BCAS3: variants seen among roughly 807,000 people sequenced by gnomAD.
BCAS3 encodes BCAS3 microtubule associated cell migration factor, also known as BCAS4/BCAS3 fusion.
In BCAS3, 53 loss-of-function variants were observed where a neutral mutation model predicts 116.1. The observed-to-expected ratio is 0.46, with a 90% CI of 0.37 to 0.57. The LOEUF is 0.57. Among genes scored for constraint, BCAS3 ranks in the 20% least tolerant of loss-of-function variants. BCAS3 has a pLI of 0.00. For synonymous variants in BCAS3, 391 were observed against 408.2 expected, an observed-to-expected ratio of 0.96 and a Z score of 0.51; for missense variants, 917 against 1,165.4, an observed-to-expected ratio of 0.79 and a Z score of 3.10.
chr17:60,693,001 G>A (rs571173501), intron 4 of BCAS3, among the ~76,000 whole-genome samples: 11 of 151,980 alleles, frequency 7.2e-5, no homozygotes, highest in Admixed American at 2.6e-4. Context: ...ATTTCCCAAG[G>A]AGAATCGCTT....
chr17:61,163,760 G>T (rs2078307827), intron 22 of BCAS3, among the ~76,000 whole-genome samples: 1 of 152,104 alleles, frequency 6.6e-6, no homozygotes, highest in Non-Finnish European at 1.5e-5. Context: ...GCCAAGGTGG[G>T]CAGATCACCT....
At chr17:60,752,858 A>G (rs2042613377) in intron 6 of BCAS3, among the ~76,000 whole-genome samples, 1 of 151,450 alleles carries the variant, frequency 6.6e-6, no homozygotes, top group Non-Finnish European at 1.5e-5. Flanking sequence ...GAAAGTGTTT[A>G]TTTTTAGAGA....
chr17:61,290,990 C>T (rs906175888), intron 22 of BCAS3, among the ~76,000 whole-genome samples: 6 of 152,088 alleles, frequency 3.9e-5, no homozygotes, highest in Non-Finnish European at 7.4e-5. Context: ...CCATGTTAGC[C>T]AGGATGATCT....
Position 61,380,502 on chromosome 17 carries a change from A to G in BCAS3, c.2594-11475A>G. The G allele has an allele frequency of 6.3e-7, 1 of 1,597,216 alleles. No homozygotes were observed. The highest frequency in any genetic ancestry group is 1.7e-4 in the Middle Eastern group (1 of 6,054). ...TTTAAAGGAATATTTTATTTTCAAT[A>G]CAGACACAGCCCTTGACGTAGCAGT... On this transcript the variant is annotated intron_variant, in intron 23 of 23. Coordinates refer to ENST00000407086, the MANE Select transcript of BCAS3 (RefSeq NM_017679.5). This position sits in a 1 kb window ranked among gnomAD's most constrained non-coding sequence, Gnocchi z 4.2.
intron 5 of BCAS3, among the ~76,000 whole-genome samples, chr17:60,733,484 A>C (rs2040664559): frequency 6.6e-6 from 1 of 152,234 alleles, no homozygotes; most frequent in African/African-American, 2.4e-5. Flanking sequence ...GGCAAAATGC[A>C]CTGGAGATAA....
At chr17:60,750,241 A>G (rs866986251) in intron 6 of BCAS3, among the ~76,000 whole-genome samples, 2 of 152,180 alleles carry the variant, frequency 1.3e-5, no homozygotes, top group South Asian at 2.1e-4. Context: ...GATCATCTCA[A>G]TAGAAGTAGA....
intron 6 of BCAS3, among the ~76,000 whole-genome samples, chr17:60,795,616 C>T (rs9905809): frequency 0.28 from 42,120 of 151,994 alleles, 11,520 homozygotes; most frequent in African/African-American, 0.72. Context: ...GCCAAGAGTT[C>T]TAATCATAAA....
chr17:60,950,264 G>C (rs61205194), intron 14 of BCAS3, among the ~76,000 whole-genome samples: 1 of 152,142 alleles, frequency 6.6e-6, no homozygotes, highest in South Asian at 2.1e-4. Context: ...GGGAGGGTTG[G>C]TTAGATAATA....
intron 6 of BCAS3, among the ~76,000 whole-genome samples, chr17:60,807,119 A>G (rs2048350372): frequency 6.6e-6 from 1 of 152,164 alleles, no homozygotes; most frequent in Non-Finnish European, 1.5e-5. Flanking sequence ...ATGATTAGGT[A>G]TAGAGTCTAA....
chr17:60,977,406 G>A (rs1417558283), intron 14 of BCAS3, among the ~76,000 whole-genome samples: 2 of 151,874 alleles, frequency 1.3e-5, no homozygotes, highest in Non-Finnish European at 2.9e-5. Context: ...TTATCTCTCT[G>A]GCTTCAGGTG....
At position 61,181,849 on chromosome 17, in the gene BCAS3, A is replaced by G. The variant is rs779655040; in HGVS notation, c.2425+97285A>G. On this transcript the variant is annotated intron_variant, in intron 22 of 23. Transcript: ENST00000407086. The surrounding 1 kb of genome is among the most constrained non-coding windows in gnomAD (Gnocchi z 5.0). ...TTAGTTGCTTAATATTTTATTTCTA[A>G]TACCAAAAGTCTTGCTTTTTCCTTC... Among the ~76,000 whole-genome samples, 1 of 148,776 alleles carries G rather than the reference A, an allele frequency of 6.7e-6. No individual in the cohort carries two copies. Among genetic ancestry groups the G allele is most frequent in the Non-Finnish European group, 1.5e-5 (1 of 67,450 alleles).
intron 2 of BCAS3, 86 bp downstream of exon 2, chr17:60,679,626 AC>A (rs2143783408): frequency 1.8e-6 from 2 of 1,088,088 alleles, no homozygotes; most frequent in South Asian, 2.8e-5. Context: ...AACAGTGGTT[AC>A]TTTTGTAAAA....
intron 22 of BCAS3, among the ~76,000 whole-genome samples, chr17:61,201,067 A>T (rs2080788150): frequency 6.6e-6 from 1 of 152,260 alleles, no homozygotes; most frequent in Non-Finnish European, 1.5e-5. Flanking sequence ...TTCATTCCAT[A>T]AAAATTAGGA....
chr17:60,959,443 T>C (rs1419389852), intron 14 of BCAS3, among the ~76,000 whole-genome samples: 1 of 152,104 alleles, frequency 6.6e-6, no homozygotes, highest in African/African-American at 2.4e-5. Context: ...ATTAAGAGAA[T>C]GAAAAGACAC....
At chr17:60,701,606 T>C (rs1032604107) in intron 4 of BCAS3, among the ~76,000 whole-genome samples, 2 of 152,082 alleles carry the variant, frequency 1.3e-5, no homozygotes, top group Non-Finnish European at 2.9e-5. Flanking sequence ...AAGAAAAAGA[T>C]ATGTCATGAA....
chr17:61,147,072 G>A (rs2077263223), intron 22 of BCAS3, among the ~76,000 whole-genome samples: 1 of 150,336 alleles, frequency 6.7e-6, no homozygotes, highest in East Asian at 2.0e-4. Flanking sequence ...ACACCACCAT[G>A]CCTGGCTAAT....
intron 13 of BCAS3, among the ~76,000 whole-genome samples, chr17:60,937,194 G>A (rs1391804517): frequency 6.6e-6 from 1 of 151,386 alleles, no homozygotes; most frequent in African/African-American, 2.4e-5. Context: ...ATTTCTGAGG[G>A]TCACTGACCT....
rs2056788713 is a variant in BCAS3, at chr17:61,337,132, C to G, written c.2426-31195C>G. ...CATCTCAAAAAAAAACAACAACAAA[C>G]TTTATCCTTTCTGAACTCCAAGCCT... On this transcript the variant is annotated intron_variant, in intron 22 of 23. Coordinates refer to ENST00000407086, the MANE Select transcript of BCAS3 (RefSeq NM_017679.5). The surrounding 1 kb of genome is among the most constrained non-coding windows in gnomAD (Gnocchi z 4.8). Among the ~76,000 whole-genome samples, 1 of 151,960 alleles carries G rather than the reference C, an allele frequency of 6.6e-6. No homozygotes were observed. The highest frequency in any genetic ancestry group is 1.5e-5 in the Non-Finnish European group (1 of 67,992).
chr17:60,919,547 T>C (rs1413046246), intron 12 of BCAS3, among the ~76,000 whole-genome samples: 1 of 152,090 alleles, frequency 6.6e-6, no homozygotes, highest in Non-Finnish European at 1.5e-5. Context: ...ATGGTCTCGA[T>C]CTCTTGAGCT....
Sources: allele counts gnomAD v4.1 joint callset (sites outside exome capture counted in the v4.1 genomes callset), GRCh38; gene constraint gnomAD v4.1.1; non-coding constraint Gnocchi (gnomAD v3.1); transcripts MANE v1.5; gene names NCBI Gene and HGNC (gene_info 2026-07-23, HGNC 2026-07-21).